CTNNA3: variants seen among roughly 807,000 people sequenced by gnomAD.
The protein encoded by CTNNA3 is catenin alpha 3, also known as catenin alpha-3.
In CTNNA3, 76 loss-of-function variants were observed where a neutral mutation model predicts 95.7. The observed-to-expected ratio is 0.79, with a 90% CI of 0.66 to 0.96. The LOEUF (loss-of-function observed/expected upper bound fraction) is 0.96. CTNNA3 is among the 40% of genes least tolerant of loss of function. CTNNA3 has a pLI of 0.00. For missense variants in CTNNA3, 1,191 were observed against 1,089.8 expected, an observed-to-expected ratio of 1.09 and a Z score of -1.31; for synonymous variants, 431 against 374.4, an observed-to-expected ratio of 1.15 and a Z score of -1.74.
chr10:66,784,606 C>A (rs557135474), intron 7 of CTNNA3, among the ~76,000 whole-genome samples: 15 of 152,200 alleles, frequency 9.9e-5, no homozygotes, highest in African/African-American at 3.6e-4. Flanking sequence ...TTCCATTCTT[C>A]TTTATTTCAT....
intron 9 of CTNNA3, among the ~76,000 whole-genome samples, chr10:66,718,439 G>A (rs1187163202): frequency 6.6e-6 from 1 of 151,666 alleles, no homozygotes; most frequent in Non-Finnish European, 1.5e-5. Flanking sequence ...TCAAATCTTA[G>A]AATTAAATTT....
chr10:66,559,678 C>T (rs189805312), intron 10 of CTNNA3, among the ~76,000 whole-genome samples: 18 of 152,094 alleles, frequency 1.2e-4, no homozygotes, highest in Middle Eastern at 3.4e-3. Context: ...ACATGCTCAT[C>T]TCTGGGTCTG....
intron 5 of CTNNA3, among the ~76,000 whole-genome samples, chr10:67,493,220 A>T (rs1363529332): frequency 6.6e-6 from 1 of 151,908 alleles, no homozygotes; most frequent in Non-Finnish European, 1.5e-5. Context: ...GGAAAAAAAA[A>T]AAAAAGCTCG....
intron 3 of CTNNA3, among the ~76,000 whole-genome samples, chr10:67,586,038 T>C (rs1589456547): frequency 6.6e-6 from 1 of 152,162 alleles, no homozygotes; most frequent in East Asian, 1.9e-4. Context: ...TTTTCATTTG[T>C]TTCAAAAAAA....
intron 11 of CTNNA3, among the ~76,000 whole-genome samples, chr10:66,445,816 C>T (rs2131806486): frequency 6.6e-6 from 1 of 152,088 alleles, no homozygotes. Flanking sequence ...CAAGAAATAA[C>T]TAAAATCAGA....
intron 3 of CTNNA3, among the ~76,000 whole-genome samples, chr10:67,575,573 A>C (rs540050220): frequency 4.7e-4 from 71 of 152,278 alleles, no homozygotes; most frequent in Non-Finnish European, 8.2e-4. Context: ...AGCATTTCAC[A>C]TATAGGAATT....
chr10:66,784,210 C>T (rs750196734), intron 7 of CTNNA3, among the ~76,000 whole-genome samples: 2 of 152,050 alleles, frequency 1.3e-5, no homozygotes, highest in African/African-American at 4.8e-5. Flanking sequence ...AGGTTCATAA[C>T]GTGAAGAGTT....
chr10:66,201,273 CCT>C (rs1295422029), intron 13 of CTNNA3, among the ~76,000 whole-genome samples: 5 of 151,986 alleles, frequency 3.3e-5, no homozygotes, highest in Admixed American at 1.3e-4. Flanking sequence ...GATTTTTTTC[CCT>C]CTCTTATCAC....
intron 11 of CTNNA3, among the ~76,000 whole-genome samples, chr10:66,509,650 C>A (rs1431622098): frequency 1.3e-5 from 2 of 151,788 alleles, no homozygotes; most frequent in Non-Finnish European, 2.9e-5. Flanking sequence ...ATATTCTTGA[C>A]ATCTTTGTTG....
intron 15 of CTNNA3, among the ~76,000 whole-genome samples, chr10:66,067,008 A>G (rs951270688): frequency 4.0e-5 from 6 of 151,574 alleles, no homozygotes; most frequent in African/African-American, 1.4e-4. Flanking sequence ...AAAAAAAAAT[A>G]TACGCCAAAA....
chr10:66,454,242 T>C (rs971160391), intron 11 of CTNNA3, among the ~76,000 whole-genome samples: 4 of 152,216 alleles, frequency 2.6e-5, no homozygotes, highest in Non-Finnish European at 5.9e-5. Context: ...AACTGTAAGA[T>C]AATAAATGTG....
At chr10:67,581,358 C>T (rs984399700) in intron 3 of CTNNA3, among the ~76,000 whole-genome samples, 2 of 152,100 alleles carry the variant, frequency 1.3e-5, no homozygotes, top group Admixed American at 6.6e-5. Flanking sequence ...TGATGGATTA[C>T]ATTTATTGAT....
chr10:67,453,787 A>G (rs1847075219), intron 5 of CTNNA3, among the ~76,000 whole-genome samples: 1 of 152,180 alleles, frequency 6.6e-6, no homozygotes, highest in African/African-American at 2.4e-5. Flanking sequence ...AAAATTGTAA[A>G]CCGTATTATG....
At chr10:66,760,123 T>G (rs1432013900) in intron 9 of CTNNA3, among the ~76,000 whole-genome samples, 1 of 152,194 alleles carries the variant, frequency 6.6e-6, no homozygotes, top group Admixed American at 6.5e-5. Flanking sequence ...AATCTATGTT[T>G]GTGAGATTAG....
chr10:67,290,436 T>A (rs569019837), intron 5 of CTNNA3, among the ~76,000 whole-genome samples: 2 of 152,196 alleles, frequency 1.3e-5, no homozygotes, highest in Non-Finnish European at 2.9e-5. Context: ...TTCATCAACA[T>A]AGCCTGAGAC....
chr10:67,208,774 T>C lies in CTNNA3; in HGVS notation c.843+10833A>G, dbSNP rs151249380. Among the ~76,000 whole-genome samples the C allele has an allele frequency of 2.4e-4, 37 of 152,294 alleles. No homozygotes were observed. The East Asian group carries it at 7.0e-3, about 29-fold the overall frequency. On this transcript the variant is annotated intron_variant, in intron 6 of 17. Transcript: ENST00000433211. ...TTAACTTTTTTCTTAATTTCCATAA[T>C]TGTATAATTATTTTACAAGAATAAA...
intron 6 of CTNNA3, among the ~76,000 whole-genome samples, chr10:67,185,277 G>A (rs113225916): frequency 2.2e-3 from 330 of 152,006 alleles, no homozygotes; most frequent in African/African-American, 4.5e-3. Context: ...ACAGGTACAC[G>A]TCACCACATC....
At chr10:66,285,195 C>G (rs189948419) in intron 12 of CTNNA3, among the ~76,000 whole-genome samples, 252 of 151,882 alleles carry the variant, frequency 1.7e-3, no homozygotes, top group Middle Eastern at 0.01. Flanking sequence ...TCAAGAATAT[C>G]TGGAATATCT....
chr10:66,631,805 T>C (rs1308132919), intron 9 of CTNNA3, among the ~76,000 whole-genome samples: 2 of 152,274 alleles, frequency 1.3e-5, no homozygotes, highest in African/African-American at 4.8e-5. Context: ...TAACTATATT[T>C]ATTCCCAGGT....
Sources: allele counts gnomAD v4.1 joint callset (sites outside exome capture counted in the v4.1 genomes callset), GRCh38; gene constraint gnomAD v4.1.1; transcripts MANE v1.5; gene names NCBI Gene and HGNC (gene_info 2026-07-23, HGNC 2026-07-21).